Variants in STUB1 observed in about 807,000 individuals in gnomAD.
The protein encoded by STUB1 is E3 ubiquitin-protein ligase CHIP.
In STUB1, 37 loss-of-function variants were observed where a neutral mutation model predicts 40.3. The ratio of observed to expected loss-of-function variants is 0.92; its 90% CI spans 0.71 to 1.21. STUB1 has a LOEUF of 1.21. Ranked by LOEUF, STUB1 falls within the 50% of genes most tolerant of loss-of-function variation. STUB1 has a pLI of 0.00. For missense variants in STUB1, 460 were observed against 421.9 expected, an observed-to-expected ratio of 1.09 and a Z score of -0.79; for synonymous variants, 246 against 171.9, an observed-to-expected ratio of 1.43 and a Z score of -3.37.
Position 680,965 on chromosome 16 carries a change from G to A in STUB1, c.160-187G>A, listed in dbSNP as rs1464429194. The A allele has an allele frequency of 5.6e-6, 4 of 711,926 alleles. No homozygotes were observed. Among genetic ancestry groups the A allele is most frequent in the African/African-American group, 5.4e-5 (3 of 55,744 alleles). The allele number at this position is 711,926 out of a possible 1,614,324, so 44.1% of individuals were successfully genotyped here. A position where few individuals can be genotyped will look rare whatever the true frequency, so the allele number is the denominator to read the frequency against. On this transcript the variant is annotated intron_variant, in intron 1 of 6. Coordinates refer to ENST00000219548, the MANE Select transcript of STUB1 (RefSeq NM_005861.4). This position sits in a 1 kb window ranked among gnomAD's most constrained non-coding sequence, Gnocchi z 4.9. ...GATTTGGAAAACTTTACAAAACCAA[G>A]TGGAATCAAGCGGATAGGCTCAGCC... is the stretch of plus-strand genomic sequence containing the variant.
rs1201890247 is a variant in STUB1 at position 680,443 on chromosome 16, C to T, written c.-83C>T. 6.2e-6 allele frequency: 7 copies of T among 1,133,896 alleles called. No homozygotes were observed. Among genetic ancestry groups the T allele is most frequent in the Non-Finnish European group, 7.6e-6 (7 of 920,808 alleles). The allele number at this position is 1,133,896 out of a possible 1,614,324, so 70.2% of individuals were successfully genotyped here. A position where few individuals can be genotyped will look rare whatever the true frequency, so the allele number is the denominator to read the frequency against. On this transcript the variant is annotated 5_prime_UTR_variant, in exon 1 of 7. Transcript: ENST00000219548. The surrounding 1 kb of genome is among the most constrained non-coding windows in gnomAD (Gnocchi z 4.9). The stretch of plus-strand genomic sequence containing the variant: ...GCCGGGCCCGAGCGGATCGCGGGCT[C>T]GGGCTGCGGGGCTCCGGCTGCGGGC...
intron 4 of STUB1, 44 bp from the exon 5 acceptor site, chr16:681,976 G>C (rs1415780071): frequency 1.2e-6 from 2 of 1,612,338 alleles, no homozygotes; most frequent in African/African-American, 1.3e-5. Context: ...ATGGAGGAGG[G>C]AGGTGGGGTG....
rs1375407071 is a variant in STUB1 at position 681,295 on chromosome 16, G to A, written c.303G>A (p.Gly101=). Residue 101 remains glycine, a synonymous_variant, in exon 2 of 7, where the codon GGG becomes GGA. Coordinates refer to ENST00000219548, the MANE Select transcript of STUB1 (RefSeq NM_005861.4). ...CTGTGAAGGCGCACTTCTTCCTGGGGCAGTGCCAGCTGGAGATGGAGAGCT... is the reference window on the plus strand; with the variant it reads ...CTGTGAAGGCGCACTTCTTCCTGGGACAGTGCCAGCTGGAGATGGAGAGCT... ...GQSVKAHFFL[G]QCQLEMESYD... 2 of 1,612,930 alleles carry A rather than the reference G, an allele frequency of 1.2e-6. No individual in the cohort carries two copies. Among genetic ancestry groups the A allele is most frequent in the Admixed American group, 1.7e-5 (1 of 60,026 alleles).
At chr16:681,129 G>A in intron 1 of STUB1, 23 bp from the exon 2 acceptor site, 1 of 1,542,242 alleles carries the variant, frequency 6.5e-7, no homozygotes, top group Non-Finnish European at 8.8e-7. Context: ...CCCTCATGCG[G>A]CTGGCCCGGC....
In STUB1 at chr16:680,926, C is replaced by A; in HGVS notation, c.160-226C>A. The A allele has an allele frequency of 1.5e-6, 1 of 666,296 alleles. No homozygotes were observed. The highest frequency in any genetic ancestry group is 2.4e-6 in the Non-Finnish European group (1 of 410,378). The allele number at this position is 666,296 out of a possible 1,614,324, so 41.3% of individuals were successfully genotyped here. The stretch of plus-strand genomic sequence containing the variant: ...CCCTTGAGGACCCCAGGTCCTAAGC[C>A]CGGACTCTCCAAAGATTTGGAAAAC... On this transcript the variant is annotated intron_variant, in intron 1 of 6. Transcript: ENST00000219548. This position sits in a 1 kb window ranked among gnomAD's most constrained non-coding sequence, Gnocchi z 4.9.
Position 681,217 on chromosome 16 carries a change from G to A in STUB1, c.225G>A (p.Gln75=), listed in dbSNP as rs1272614877. The A allele has an allele frequency of 1.9e-6, 3 of 1,609,864 alleles. No individual in the cohort carries two copies. The highest frequency in any genetic ancestry group is 2.2e-5 in the South Asian group (2 of 90,602). ...CCTTGTGCTACCTGAAGATGCAGCA[G>A]CACGAGCAGGCCCTGGCCGACTGCC... is the stretch of plus-strand genomic sequence containing the variant. ...NRALCYLKMQ[Q]HEQALADCRR... Residue 75 remains glutamine, a synonymous_variant, in exon 2 of 7, where the codon CAG becomes CAA. Coordinates refer to ENST00000219548, the MANE Select transcript of STUB1 (RefSeq NM_005861.4).
intron 3 of STUB1, 57 bp from the exon 4 acceptor site, chr16:681,736 G>A (rs2039662369): frequency 7.1e-6 from 11 of 1,554,174 alleles, no homozygotes; most frequent in African/African-American, 2.7e-5. Flanking sequence ...CTGAGATTGG[G>A]GTGTGGTCAG....
In STUB1 at chr16:680,740, C is replaced by T. The variant is rs1030441121; in HGVS notation, c.159+56C>T. 5 of 972,210 alleles carry T rather than the reference C, an allele frequency of 5.1e-6. No homozygotes were observed. Among genetic ancestry groups the T allele is most frequent in the Non-Finnish European group, 5.0e-6 (4 of 802,214 alleles). 60.2% of individuals were successfully genotyped at this position (972,210 alleles called of 1,614,324 possible). ...CGGTGGCACCGGGGAGGGCCGGGCCCGGGCCCGGCCGGCCCCACCGAGGGT... is the reference window on the plus strand; with the variant it reads ...CGGTGGCACCGGGGAGGGCCGGGCCTGGGCCCGGCCGGCCCCACCGAGGGT... On this transcript the variant is annotated intron_variant, in intron 1 of 6. Coordinates refer to ENST00000219548, the MANE Select transcript of STUB1 (RefSeq NM_005861.4). This position sits in a 1 kb window ranked among gnomAD's most constrained non-coding sequence, Gnocchi z 4.9.
intron 1 of STUB1, 51 bp from the exon 2 acceptor site, chr16:681,101 G>A: frequency 6.6e-7 from 1 of 1,513,542 alleles, no homozygotes; most frequent in Non-Finnish European, 8.9e-7. Flanking sequence ...GGGTCAGAGT[G>A]GGCACGCTGA....
At position 680,981 on chromosome 16, in the gene STUB1, A is replaced by G. The variant is rs2039641227; in HGVS notation, c.160-171A>G. On this transcript the variant is annotated intron_variant, in intron 1 of 6. Coordinates refer to ENST00000219548, the MANE Select transcript of STUB1 (RefSeq NM_005861.4). This position sits in a 1 kb window ranked among gnomAD's most constrained non-coding sequence, Gnocchi z 4.9. ...CAAAACCAAGTGGAATCAAGCGGAT[A>G]GGCTCAGCCAGTACTCCACTGTGCA... 5.6e-6 allele frequency: 4 copies of G among 715,458 alleles called. No individual in the cohort carries two copies. Among genetic ancestry groups the G allele is most frequent in the Non-Finnish European group, 2.2e-6 (1 of 446,834 alleles). 44.3% of individuals were successfully genotyped at this position (715,458 alleles called of 1,614,324 possible). A position where few individuals can be genotyped will look rare whatever the true frequency, so the allele number is the denominator to read the frequency against.
chr16:682,718 T>C lies in STUB1; in HGVS notation c.*229T>C, dbSNP rs2039724469. 3 of 1,539,342 alleles carry C rather than the reference T, an allele frequency of 1.9e-6. No individual in the cohort carries two copies. The East Asian group carries it at 6.9e-5, about 35-fold the overall frequency. ...GCTGGGCTGAGGCCATTGCCGCCAC[T>C]ATCTGTGTAATAAAATCCGTGAGCA... On this transcript the variant is annotated 3_prime_UTR_variant, in exon 7 of 7. Transcript: ENST00000219548.
chr16:680,583 C>A lies in STUB1; in HGVS notation c.58C>A (p.Pro20Thr). ...ACGGCTGGGCGCTGGCGGCGGAAGC[C>A]CCGAGAAGAGCCCGAGCGCGCAGGA... Reference protein sequence around the residue: ...GARLGAGGGSPEKSPSAQELK... With the variant: ...GARLGAGGGSTEKSPSAQELK... Residue 20 changes from proline to threonine, a missense_variant, in exon 1 of 7, where the codon CCC becomes ACC. By Grantham distance (38) the Pro-to-Thr change is conservative. Coordinates refer to ENST00000219548, the MANE Select transcript of STUB1 (RefSeq NM_005861.4). This position sits in a 1 kb window ranked among gnomAD's most constrained non-coding sequence, Gnocchi z 4.9. 1 of 1,397,324 alleles carries A rather than the reference C, an allele frequency of 7.2e-7. No homozygotes were observed. 86.6% of individuals were successfully genotyped at this position (1,397,324 alleles called of 1,614,324 possible).
Position 680,672 on chromosome 16 carries a change from C to G in STUB1, c.147C>G (p.Tyr49Ter). The G allele has an allele frequency of 7.9e-7, 1 of 1,271,174 alleles. No individual in the cohort carries two copies. The highest frequency in any genetic ancestry group is 1.0e-6 in the Non-Finnish European group (1 of 999,952). 78.7% of individuals were successfully genotyped at this position (1,271,174 alleles called of 1,614,324 possible). Residue 49 changes from tyrosine (Y) to a stop codon, truncating the protein, a stop_gained, in exon 1 of 7, where the codon TAC becomes TAG. Transcript: ENST00000219548. LOFTEE classifies it high-confidence loss of function. This position sits in a 1 kb window ranked among gnomAD's most constrained non-coding sequence, Gnocchi z 4.9. ...GRKYPEAAAC[Y>*]GRAITRNPLV... ...AGTACCCGGAGGCGGCGGCCTGCTACGGCCGCGCGATCGTGAGTGCGCCCG... is the reference window on the plus strand; with the variant it reads ...AGTACCCGGAGGCGGCGGCCTGCTAGGGCCGCGCGATCGTGAGTGCGCCCG...
At position 680,935 on chromosome 16, in the gene STUB1, C is replaced by G. The variant is rs1018826996; in HGVS notation, c.160-217C>G. ...ACCCCAGGTCCTAAGCCCGGACTCTCCAAAGATTTGGAAAACTTTACAAAA... is the reference window on the plus strand; with the variant it reads ...ACCCCAGGTCCTAAGCCCGGACTCTGCAAAGATTTGGAAAACTTTACAAAA... On this transcript the variant is annotated intron_variant, in intron 1 of 6. Coordinates refer to ENST00000219548, the MANE Select transcript of STUB1 (RefSeq NM_005861.4). The surrounding 1 kb of genome is among the most constrained non-coding windows in gnomAD (Gnocchi z 4.9). 2.8e-5 allele frequency: 19 copies of G among 687,656 alleles called. No homozygotes were observed. In the African/African-American group the frequency reaches 3.3e-4, roughly 12 times the overall value. The allele number at this position is 687,656 out of a possible 1,614,324, so 42.6% of individuals were successfully genotyped here.
chr16:681,745 A>G, intron 3 of STUB1, 48 bp from the exon 4 acceptor site: 1 of 1,560,960 alleles, frequency 6.4e-7, no homozygotes, highest in Non-Finnish European at 8.7e-7. Context: ...GGGTGTGGTC[A>G]GACATCTGGC....
rs1596548472 is a variant in STUB1, at chr16:680,786, G to C, written c.159+102G>C. 9.4e-7 allele frequency: 1 copy of C among 1,060,396 alleles called. No homozygotes were observed. The highest frequency in any genetic ancestry group is 1.7e-5 in the African/African-American group (1 of 59,898). 65.7% of individuals were successfully genotyped at this position (1,060,396 alleles called of 1,614,324 possible). ...AGGGTCTGGCTCCTCTTCGGGGCGTGTCCTCGGCTCCCAAAGCCCAGCCGT... is the reference window on the plus strand; with the variant it reads ...AGGGTCTGGCTCCTCTTCGGGGCGTCTCCTCGGCTCCCAAAGCCCAGCCGT... On this transcript the variant is annotated intron_variant, in intron 1 of 6. Transcript: ENST00000219548. The surrounding 1 kb of genome is among the most constrained non-coding windows in gnomAD (Gnocchi z 4.9).
Position 682,577 on chromosome 16 carries a change from C to G in STUB1, c.*88C>G. 1 of 1,562,612 alleles carries G rather than the reference C, an allele frequency of 6.4e-7. No homozygotes were observed. Reference sequence around the variant, plus strand: ...ATACATAGTTTATGTTCCTGGCCACCCCGACCGCTTCCCCCAAGTTCTGCT... The same window carrying G: ...ATACATAGTTTATGTTCCTGGCCACGCCGACCGCTTCCCCCAAGTTCTGCT... On this transcript the variant is annotated 3_prime_UTR_variant, in exon 7 of 7. Transcript: ENST00000219548.
chr16:681,940 C>T (rs1472320619), intron 4 of STUB1, 60 bp downstream of exon 4: 2 of 1,612,762 alleles, frequency 1.2e-6, no homozygotes, highest in Non-Finnish European at 1.7e-6. Context: ...TGGGAGCATC[C>T]CCGCCTTGTG....
chr16:681,081 G>A, intron 1 of STUB1, 71 bp from the exon 2 acceptor site: 3 of 1,447,988 alleles, frequency 2.1e-6, no homozygotes, highest in Non-Finnish European at 2.8e-6. Flanking sequence ...CAGAAGCTGG[G>A]ACGGGCCGTG....
Sources: allele counts gnomAD v4.1 joint callset, GRCh38; gene constraint gnomAD v4.1.1; non-coding constraint Gnocchi (gnomAD v3.1); transcripts MANE v1.5; gene names NCBI Gene and HGNC (gene_info 2026-07-23, HGNC 2026-07-21).